EPB41L2: variants seen among roughly 807,000 people sequenced by gnomAD.
EPB41L2 encodes the protein band 4.1-like protein 2.
EPB41L2 carries 43 observed loss-of-function variants against 113.0 expected under a neutral mutation model. The ratio of observed to expected loss-of-function variants is 0.38; its 90% CI spans 0.30 to 0.49. The LOEUF (loss-of-function observed/expected upper bound fraction) is 0.49, where lower values mean the gene tolerates loss of function less well. Among genes scored for constraint, EPB41L2 ranks in the 20% least tolerant of loss-of-function variants. The probability of loss-of-function intolerance (pLI) is 0.95; values close to 1 mark genes in which losing one functional copy is unlikely to be tolerated. For synonymous variants in EPB41L2, 442 were observed against 436.7 expected (o/e 1.01, Z -0.15); for missense variants, 1,147 against 1,223.4 (o/e 0.94, Z 0.93).
At chr6:130,942,083 C>T (rs1006739173) in intron 3 of EPB41L2, among the ~76,000 whole-genome samples, 2 of 151,996 alleles carry the variant, frequency 1.3e-5, no homozygotes, top group Admixed American at 6.6e-5. Flanking sequence ...TATGTTATAC[C>T]GCATTCAATC....
intron 1 of EPB41L2, among the ~76,000 whole-genome samples, chr6:131,043,901 G>A (rs1794913218): frequency 6.6e-6 from 1 of 151,986 alleles, no homozygotes; most frequent in Non-Finnish European, 1.5e-5. Flanking sequence ...TAGAGAGACA[G>A]ATAAAAGAAA....
chr6:130,911,846 G>A (rs1324736421), intron 4 of EPB41L2, among the ~76,000 whole-genome samples: 1 of 152,114 alleles, frequency 6.6e-6, no homozygotes, highest in Non-Finnish European at 1.5e-5. Flanking sequence ...AAATAAATGA[G>A]TCTAATTAAG....
intron 8 of EPB41L2, among the ~76,000 whole-genome samples, chr6:130,896,314 A>G (rs921899399): frequency 5.3e-5 from 8 of 152,210 alleles, no homozygotes; most frequent in African/African-American, 1.9e-4. Flanking sequence ...TGCTTTACTC[A>G]CCCTTATCTT....
intron 3 of EPB41L2, among the ~76,000 whole-genome samples, chr6:130,930,832 T>C: frequency 6.6e-6 from 1 of 152,196 alleles, no homozygotes; most frequent in East Asian, 1.9e-4. Context: ...ATATGTTTTA[T>C]GTGTTTATAA....
At chr6:131,052,216 C>A (rs564655156) in intron 1 of EPB41L2, among the ~76,000 whole-genome samples, 1 of 152,264 alleles carries the variant, frequency 6.6e-6, no homozygotes, top group African/African-American at 2.4e-5. Flanking sequence ...AGATTACAGG[C>A]ATGAGCCACT....
Position 130,915,718 on chromosome 6 carries a change from T to C in EPB41L2, c.811-6855A>G, listed in dbSNP as rs186145531. Reference sequence around the variant, plus strand: ...GTTGTGGGAGGGGCCTGGTGGGAGATGAGTGAATCATGGGGGCAGATCTTC... The same window carrying C: ...GTTGTGGGAGGGGCCTGGTGGGAGACGAGTGAATCATGGGGGCAGATCTTC... On this transcript the variant is annotated intron_variant, in intron 4 of 19. Transcript: ENST00000337057. Among the ~76,000 whole-genome samples the C allele has an allele frequency of 3.9e-3, 592 of 152,248 alleles. 2 individuals are homozygous for C. The highest frequency in any genetic ancestry group is 0.013 in the African/African-American group (550 of 41,536).
intron 19 of EPB41L2, among the ~76,000 whole-genome samples, chr6:130,847,872 A>G (rs985010872): frequency 2.0e-5 from 3 of 152,156 alleles, no homozygotes; most frequent in African/African-American, 7.2e-5. Flanking sequence ...TTAAATAACA[A>G]ATGAACTATG....
chr6:130,916,320 T>C (rs190802380), intron 4 of EPB41L2, among the ~76,000 whole-genome samples: 105 of 152,320 alleles, frequency 6.9e-4, no homozygotes, highest in Admixed American at 1.9e-3. Context: ...AATCTGAGGA[T>C]GAAAGTCTTG....
intron 14 of EPB41L2, among the ~76,000 whole-genome samples, chr6:130,873,811 C>T (rs1376052133): frequency 6.6e-6 from 1 of 152,090 alleles, no homozygotes; most frequent in Non-Finnish European, 1.5e-5. Context: ...TCCTAAGGGG[C>T]CCCTTCATAC....
At chr6:131,042,099 T>A (rs1191678543) in intron 1 of EPB41L2, among the ~76,000 whole-genome samples, 1 of 152,140 alleles carries the variant, frequency 6.6e-6, no homozygotes, top group Non-Finnish European at 1.5e-5. Context: ...TGGGAGTAAT[T>A]AGTTGGAAGG....
At chr6:130,954,146 G>A (rs375628213) in intron 3 of EPB41L2, among the ~76,000 whole-genome samples, 5 of 138,098 alleles carry the variant, frequency 3.6e-5, no homozygotes, top group African/African-American at 1.1e-4. Flanking sequence ...TCCGCCTCCC[G>A]GGTTCACGCC....
intron 1 of EPB41L2, among the ~76,000 whole-genome samples, chr6:131,036,005 G>C (rs1793231546): frequency 1.3e-5 from 2 of 152,196 alleles, no homozygotes; most frequent in African/African-American, 4.8e-5. Context: ...TGAACAGAGA[G>C]ACATTAGTTA....
At chr6:131,001,896 A>G (rs1465672113) in intron 1 of EPB41L2, among the ~76,000 whole-genome samples, 1 of 152,210 alleles carries the variant, frequency 6.6e-6, no homozygotes, top group Non-Finnish European at 1.5e-5. Flanking sequence ...AAAATTGTCC[A>G]TAAGTCTTTA....
At chr6:130,881,739 T>C (rs1464668436) in intron 12 of EPB41L2, 8 of 152,158 alleles carry the variant, frequency 5.3e-5, no homozygotes, top group Non-Finnish European at 5.9e-5. Context: ...AAAGGAGCAC[T>C]ATGAGGCCCA....
At chr6:130,954,036 C>CTTT (rs1816328530) in intron 3 of EPB41L2, among the ~76,000 whole-genome samples, 9 of 45,516 alleles carry the variant, frequency 2.0e-4, no homozygotes, top group African/African-American at 4.1e-4. Context: ...TAGTCCTTTT[C>CTTT]TTTCTTTTTT....
At chr6:131,004,787 C>G (rs964276810) in intron 1 of EPB41L2, among the ~76,000 whole-genome samples, 2 of 152,154 alleles carry the variant, frequency 1.3e-5, no homozygotes, top group African/African-American at 4.8e-5. Context: ...TCACCCAACT[C>G]CCCACTACAC....
chr6:130,877,954 A>G lies in EPB41L2; in HGVS notation c.2043+150T>C, dbSNP rs1388769549. 8.5e-6 allele frequency: 6 copies of G among 707,872 alleles called. No individual in the cohort carries two copies. In the East Asian group the frequency reaches 1.3e-4, roughly 16 times the overall value. 43.8% of individuals were successfully genotyped at this position (707,872 alleles called of 1,614,324 possible). ...GGCCAATAACTATTACATTGTTAAT[A>G]TTTAGTATTTACAAAATTGTTAGTA... On this transcript the variant is annotated intron_variant, in intron 14 of 19. Coordinates refer to ENST00000337057, the MANE Select transcript of EPB41L2 (RefSeq NM_001431.4).
chr6:130,882,411 G>A (rs1019207514), intron 12 of EPB41L2: 1 of 152,610 alleles, frequency 6.6e-6, no homozygotes, highest in East Asian at 1.9e-4. Flanking sequence ...TATGTTGAGG[G>A]TAATCAGTGG....
At position 130,904,504 on chromosome 6, in the gene EPB41L2, T is replaced by C. The variant is rs752566317; in HGVS notation, c.890A>G (p.Tyr297Cys). The C allele has an allele frequency of 2.5e-6, 4 of 1,607,478 alleles. No individual in the cohort carries two copies. The African/African-American group carries it at 4.0e-5, about 16-fold the overall frequency. ...PWLFTFNVKF[Y>C]PPDPSQLTED... Reference sequence around the variant, plus strand: ...AGTCAATTGAGAAGGATCAGGAGGATAAAACTTCACATTAAAAGTGAATAG... The same window carrying C: ...AGTCAATTGAGAAGGATCAGGAGGACAAAACTTCACATTAAAAGTGAATAG... Residue 297 changes from tyrosine (Y) to cysteine (C), a missense_variant, in exon 6 of 20, where the codon TAT (tyrosine) becomes TGT (cysteine). Tyr to Cys is a radical substitution (Grantham distance 194). Transcript: ENST00000337057.
Sources: gnomAD v4.1 joint callset for allele counts (sites outside exome capture counted in the v4.1 genomes callset) on GRCh38, gnomAD v4.1.1 for gene constraint, MANE v1.5 for transcripts, NCBI Gene and HGNC (gene_info 2026-07-23, HGNC 2026-07-21) for gene names.